The following OR51A7 variants were observed in gnomAD, a reference collection of about 807,000 sequenced individuals.
The protein encoded by OR51A7 is olfactory receptor family 51 subfamily A member 7.
For synonymous variants in OR51A7, 143 were observed against 135.5 expected (o/e 1.05, Z -0.38); for missense variants, 409 against 374.5 (o/e 1.09, Z -0.76).
intron 1 of OR51A7, among the ~76,000 whole-genome samples, chr11:4,905,720 A>T (rs1227831558): frequency 1.3e-5 from 2 of 152,168 alleles, no homozygotes; most frequent in Admixed American, 1.3e-4. Context: ...TATAGGCGGA[A>T]TTTATAATGA....
chr11:4,908,452 A>G lies in OR51A7; in HGVS notation c.*144A>G, dbSNP rs1442036339. On this transcript the variant is annotated 3_prime_UTR_variant, in exon 2 of 2. Coordinates refer to ENST00000641490, the MANE Select transcript of OR51A7 (RefSeq NM_001004749.2). ...TAGTGCAGAATTTATAATAAAGTTG[A>G]GAATATAACTGAACAGGATAGAAAA... is the stretch of plus-strand genomic sequence containing the variant. The G allele has an allele frequency of 1.4e-6, 1 of 735,354 alleles. No individual in the cohort carries two copies. Among genetic ancestry groups the G allele is most frequent in the Non-Finnish European group, 2.4e-6 (1 of 424,654 alleles). The allele number at this position is 735,354 out of a possible 1,614,324, so 45.6% of individuals were successfully genotyped here. A position where few individuals can be genotyped will look rare whatever the true frequency, so the allele number is the denominator to read the frequency against.
rs774432821 is a variant in OR51A7, at chr11:4,908,114, A to T, written c.745A>T (p.Thr249Ser). ...TCVSHICAVL[T>S]FYVPIITLAA... ...TGTCTCCCACATCTGTGCTGTGCTC[A>T]CCTTCTATGTGCCCATCATCACCCT... Residue 249 changes from threonine to serine, a missense_variant, in exon 2 of 2, where the codon ACC becomes TCC. Transcript: ENST00000641490. 3 of 1,613,896 alleles carry T rather than the reference A, an allele frequency of 1.9e-6. No homozygotes were observed. The highest frequency in any genetic ancestry group is 3.3e-5 in the Admixed American group (2 of 60,000).
At position 4,908,098 on chromosome 11, in the gene OR51A7, C is replaced by T. The variant is rs1850931328; in HGVS notation, c.729C>T (p.His243=). The change falls in exon 2 of 2, where the codon CAC becomes CAT. Residue 243 remains histidine (H), a synonymous_variant. Transcript: ENST00000641490. ...RLKALNTCVS[H]ICAVLTFYVP... is the part of the protein sequence containing the mutation. ...AGGCCCTAAATACCTGTGTCTCCCA[C>T]ATCTGTGCTGTGCTCACCTTCTATG... The T allele has an allele frequency of 1.2e-6, 2 of 1,614,102 alleles. No individual in the cohort carries two copies. Among genetic ancestry groups the T allele is most frequent in the Non-Finnish European group, 1.7e-6 (2 of 1,179,938 alleles).
chr11:4,908,660 T>C lies in OR51A7; in HGVS notation c.*352T>C. ...AAAAATACAGATGATATACAAAGTCTAATCTCATACTGTCAAGGAAAGGTA... is the reference window on the plus strand; with the variant it reads ...AAAAATACAGATGATATACAAAGTCCAATCTCATACTGTCAAGGAAAGGTA... On this transcript the variant is annotated 3_prime_UTR_variant, in exon 2 of 2. Coordinates refer to ENST00000641490, the MANE Select transcript of OR51A7 (RefSeq NM_001004749.2). 1 of 328,444 alleles carries C rather than the reference T, an allele frequency of 3.0e-6. No homozygotes were observed. Among genetic ancestry groups the C allele is most frequent in the Non-Finnish European group, 5.8e-6 (1 of 172,640 alleles). The allele number at this position is 328,444 out of a possible 1,614,324, so 20.3% of individuals were successfully genotyped here.
At chr11:4,906,238 C>T (rs959264114) in intron 1 of OR51A7, among the ~76,000 whole-genome samples, 27 of 152,172 alleles carry the variant, frequency 1.8e-4, no homozygotes, top group Non-Finnish European at 7.3e-5. Context: ...ATTTCTCCAA[C>T]ATGTTCTATT....
Position 4,907,687 on chromosome 11 carries a change from A to T in OR51A7, c.318A>T (p.Gly106=). The part of the protein sequence containing the change: ...ACFAQEFFIH[G]FTVMESSVLL... ...TTGCTCAAGAATTCTTCATTCATGG[A>T]TTCACTGTCATGGAATCCTCAGTAC... Residue 106 remains glycine (G), a synonymous_variant, in exon 2 of 2, where the codon GGA becomes GGT. Transcript: ENST00000641490. The T allele has an allele frequency of 6.2e-7, 1 of 1,613,958 alleles. No individual in the cohort carries two copies. The highest frequency in any genetic ancestry group is 8.5e-7 in the Non-Finnish European group (1 of 1,179,944).
chr11:4,906,817 G>T (rs902087968), intron 1 of OR51A7, among the ~76,000 whole-genome samples: 10 of 152,108 alleles, frequency 6.6e-5, no homozygotes, highest in African/African-American at 2.4e-4. Flanking sequence ...AGGGCCAGAT[G>T]CAGTGGCTCA....
In OR51A7 at chr11:4,908,491, T is replaced by C; in HGVS notation, c.*183T>C. 1 of 625,588 alleles carries C rather than the reference T, an allele frequency of 1.6e-6. No homozygotes were observed. 38.8% of individuals were successfully genotyped at this position (625,588 alleles called of 1,614,324 possible). On this transcript the variant is annotated 3_prime_UTR_variant, in exon 2 of 2. Coordinates refer to ENST00000641490, the MANE Select transcript of OR51A7 (RefSeq NM_001004749.2). ...CAGGATAGAAAAAAAAGTCAAGAGA[T>C]ATATAAGATATAGAGGTTTAATTAA...
At position 4,908,649 on chromosome 11, in the gene OR51A7, T is replaced by C; in HGVS notation, c.*341T>C. Reference sequence around the variant, plus strand: ...TAGTATCTATTAAAAATACAGATGATATACAAAGTCTAATCTCATACTGTC... The same window carrying C: ...TAGTATCTATTAAAAATACAGATGACATACAAAGTCTAATCTCATACTGTC... On this transcript the variant is annotated 3_prime_UTR_variant, in exon 2 of 2. Coordinates refer to ENST00000641490, the MANE Select transcript of OR51A7 (RefSeq NM_001004749.2). 1 of 346,046 alleles carries C rather than the reference T, an allele frequency of 2.9e-6. No homozygotes were observed. The allele number at this position is 346,046 out of a possible 1,614,324, so 21.4% of individuals were successfully genotyped here.
chr11:4,907,974 T>C lies in OR51A7; in HGVS notation c.605T>C (p.Ile202Thr), dbSNP rs76648414. Residue 202 changes from isoleucine to threonine, a missense_variant, in exon 2 of 2, where the codon ATT (isoleucine) becomes ACT (threonine). Ile to Thr is a moderately conservative substitution (Grantham distance 89, BLOSUM62 -1). Coordinates refer to ENST00000641490, the MANE Select transcript of OR51A7 (RefSeq NM_001004749.2). ...NKTNVIYGFF[I>T]ALCTMLDLAL... ...ACCAATGTCATCTATGGCTTCTTCA[T>C]TGCTCTCTGTACTATGCTGGACTTG... 2.6e-5 allele frequency: 42 copies of C among 1,614,076 alleles called. No homozygotes were observed. Among genetic ancestry groups the C allele is most frequent in the Non-Finnish European group, 3.5e-5 (41 of 1,180,014 alleles).
chr11:4,906,684 A>G (rs1850894571), intron 1 of OR51A7, among the ~76,000 whole-genome samples: 1 of 152,224 alleles, frequency 6.6e-6, no homozygotes, highest in Admixed American at 6.5e-5. Flanking sequence ...TTTAAAGCCA[A>G]CGTGGGTACT....
intron 1 of OR51A7, among the ~76,000 whole-genome samples, chr11:4,905,172 C>G (rs1011051522): frequency 6.6e-6 from 1 of 152,058 alleles, no homozygotes; most frequent in African/African-American, 2.4e-5. Context: ...AAAACACAGT[C>G]CAGCAAATAA....
chr11:4,907,095 T>TTAAAAAAAAAAAAAAAAAA (rs1850904245), intron 1 of OR51A7, among the ~76,000 whole-genome samples: 1 of 55,108 alleles, frequency 1.8e-5, no homozygotes, highest in Non-Finnish European at 3.4e-5. Context: ...AAACTCCCTC[T>TTAAAAAAAAAAAAAAAAAA]AAAAAAAAAA....
At chr11:4,904,384 T>C (rs1850851051) in intron 1 of OR51A7, among the ~76,000 whole-genome samples, 1 of 152,106 alleles carries the variant, frequency 6.6e-6, no homozygotes, top group Admixed American at 6.5e-5. Context: ...GGAAATATTT[T>C]ACCTGAGGAC....
In OR51A7 at chr11:4,908,577, C is replaced by A; in HGVS notation, c.*269C>A. The A allele has an allele frequency of 8.4e-6, 4 of 475,668 alleles. No individual in the cohort carries two copies. Among genetic ancestry groups the A allele is most frequent in the Non-Finnish European group, 1.5e-5 (4 of 261,502 alleles). The allele number at this position is 475,668 out of a possible 1,614,324, so 29.5% of individuals were successfully genotyped here. On this transcript the variant is annotated 3_prime_UTR_variant, in exon 2 of 2. Coordinates refer to ENST00000641490, the MANE Select transcript of OR51A7 (RefSeq NM_001004749.2). Reference sequence around the variant, plus strand: ...ATGGAGCAGCTGGATTTGAGTCAACCCATAAAGAATGAATACAATTTGGGC... The same window carrying A: ...ATGGAGCAGCTGGATTTGAGTCAACACATAAAGAATGAATACAATTTGGGC...
At position 4,908,430 on chromosome 11, in the gene OR51A7, T is replaced by G. The variant is rs1455847206; in HGVS notation, c.*122T>G. On this transcript the variant is annotated 3_prime_UTR_variant, in exon 2 of 2. Coordinates refer to ENST00000641490, the MANE Select transcript of OR51A7 (RefSeq NM_001004749.2). Reference sequence around the variant, plus strand: ...ATGATGGAAGTGAAAAGCTATGTAGTGCAGAATTTATAATAAAGTTGAGAA... The same window carrying G: ...ATGATGGAAGTGAAAAGCTATGTAGGGCAGAATTTATAATAAAGTTGAGAA... 6.1e-6 allele frequency: 5 copies of G among 819,052 alleles called. No individual in the cohort carries two copies. Among genetic ancestry groups the G allele is most frequent in the Non-Finnish European group, 1.0e-5 (5 of 492,464 alleles). The allele number at this position is 819,052 out of a possible 1,614,324, so 50.7% of individuals were successfully genotyped here.
chr11:4,904,041 C>G (rs954333261), intron 1 of OR51A7, among the ~76,000 whole-genome samples, 197 bp downstream of exon 1: 3 of 151,902 alleles, frequency 2.0e-5, no homozygotes, highest in Non-Finnish European at 4.4e-5. Context: ...TAAAAGCAAG[C>G]CTTATTGTCA....
At position 4,907,772 on chromosome 11, in the gene OR51A7, A is replaced by G; in HGVS notation, c.403A>G (p.Ile135Val). ...AIHNPLRYSS[I>V]LTSNRVAKMG... ...TCACAATCCCTTAAGATACAGTTCTATCCTCACTAGCAACAGGGTTGCTAA... is the reference window on the plus strand; with the variant it reads ...TCACAATCCCTTAAGATACAGTTCTGTCCTCACTAGCAACAGGGTTGCTAA... Residue 135 changes from isoleucine (I) to valine (V), a missense_variant, in exon 2 of 2, where the codon ATC becomes GTC. Transcript: ENST00000641490. The G allele has an allele frequency of 6.2e-7, 1 of 1,614,082 alleles. No individual in the cohort carries two copies. Among genetic ancestry groups the G allele is most frequent in the Non-Finnish European group, 8.5e-7 (1 of 1,180,008 alleles).
In OR51A7 at chr11:4,908,555, G is replaced by A; in HGVS notation, c.*247G>A. ...GTTGAAGGAAAATACTTCTGTGATG[G>A]AGCAGCTGGATTTGAGTCAACCCAT... On this transcript the variant is annotated 3_prime_UTR_variant, in exon 2 of 2. Transcript: ENST00000641490. 1.9e-6 allele frequency: 1 copy of A among 516,726 alleles called. No individual in the cohort carries two copies. 32.0% of individuals were successfully genotyped at this position (516,726 alleles called of 1,614,324 possible). A position where few individuals can be genotyped will look rare whatever the true frequency, so the allele number is the denominator to read the frequency against.
Sources: gnomAD v4.1 joint callset for allele counts (sites outside exome capture counted in the v4.1 genomes callset) on GRCh38, gnomAD v4.1.1 for gene constraint, MANE v1.5 for transcripts, NCBI Gene and HGNC (gene_info 2026-07-23, HGNC 2026-07-21) for gene names.